Variants in USP34 observed in about 807,000 individuals in gnomAD.
The protein encoded by USP34 is ubiquitin specific peptidase 34.
A neutral mutation model predicts 460.3 loss-of-function variants in USP34; 70 were observed. The observed-to-expected ratio is 0.15, with a 90% CI of 0.13 to 0.19. The LOEUF (loss-of-function observed/expected upper bound fraction) is 0.19, where lower values mean the gene tolerates loss of function less well. Among genes scored for constraint, USP34 ranks in the 10% least tolerant of loss-of-function variants. The pLI, the probability that USP34 is intolerant of heterozygous loss-of-function variation, is 1.00. For synonymous variants in USP34, 1,647 were observed against 1,405.3 expected, an observed-to-expected ratio of 1.17 and a Z score of -3.85; for missense variants, 3,985 against 4,236.2, an observed-to-expected ratio of 0.94 and a Z score of 1.65.
chr2:61,343,172 C>G (rs112347638), intron 16 of USP34, among the ~76,000 whole-genome samples: 1 of 152,190 alleles, frequency 6.6e-6, no homozygotes, highest in Non-Finnish European at 1.5e-5. Context: ...TGATACCAAC[C>G]AAACAAGAGG....
At chr2:61,433,100 C>T (rs1157512007) in intron 1 of USP34, among the ~76,000 whole-genome samples, 1 of 152,128 alleles carries the variant, frequency 6.6e-6, no homozygotes, top group Non-Finnish European at 1.5e-5. Context: ...AAATAAACAG[C>T]TAAGATCTGA....
At chr2:61,374,178 A>C (rs1295379944) in intron 8 of USP34, among the ~76,000 whole-genome samples, 5 of 146,828 alleles carry the variant, frequency 3.4e-5, no homozygotes, top group African/African-American at 1.3e-4. Context: ...AAAAAAAAAA[A>C]CAGAGAAAAT....
At chr2:61,403,574 A>G (rs1196905023) in intron 3 of USP34, among the ~76,000 whole-genome samples, 1 of 152,202 alleles carries the variant, frequency 6.6e-6, no homozygotes, top group Admixed American at 6.5e-5. Flanking sequence ...ATCATGTAAG[A>G]GATTATTTAA....
At chr2:61,435,553 A>T (rs1694790236) in intron 1 of USP34, among the ~76,000 whole-genome samples, 1 of 152,148 alleles carries the variant, frequency 6.6e-6, no homozygotes, top group African/African-American at 2.4e-5. Context: ...AGAAAAACTG[A>T]GGAAATACTC....
chr2:61,445,965 T>TTA (rs1695103504), intron 1 of USP34, among the ~76,000 whole-genome samples: 1 of 150,798 alleles, frequency 6.6e-6, no homozygotes, highest in Non-Finnish European at 1.5e-5. Flanking sequence ...AAAAAAGTAA[T>TTA]TAGTCTGTAA....
At chr2:61,454,315 G>A (rs1252127700) in intron 1 of USP34, among the ~76,000 whole-genome samples, 1 of 152,074 alleles carries the variant, frequency 6.6e-6, no homozygotes, top group African/African-American at 2.4e-5. Flanking sequence ...GTAGAGATAG[G>A]GTTTTACCAT....
intron 10 of USP34, among the ~76,000 whole-genome samples, chr2:61,357,627 G>A (rs1692146047): frequency 6.6e-6 from 1 of 152,200 alleles, no homozygotes; most frequent in African/African-American, 2.4e-5. Context: ...CTGGTCAGAT[G>A]CAGTTCATGC....
intron 1 of USP34, among the ~76,000 whole-genome samples, chr2:61,458,412 T>G (rs1695499075): frequency 6.6e-6 from 1 of 151,098 alleles, no homozygotes; most frequent in African/African-American, 2.4e-5. Flanking sequence ...AATACAAAAA[T>G]TAGCCGGGCG....
chr2:61,406,050 C>G lies in USP34; in HGVS notation c.210G>C (p.Val70=). The change falls in exon 3 of 80, where the codon GTG becomes GTC. Residue 70 remains valine, a synonymous_variant. Transcript: ENST00000398571. ...CCCGGAGCACTTGAACTTGGGCAAT[C>G]ACTAAGTTAATAAGTGCACACACTA... is the stretch of plus-strand genomic sequence containing the variant. The part of the protein sequence containing the change: ...NQVVCALINL[V]IAQVQVLRDQ... 6.2e-7 allele frequency: 1 copy of G among 1,613,688 alleles called. No individual in the cohort carries two copies. Among genetic ancestry groups the G allele is most frequent in the South Asian group, 1.1e-5 (1 of 91,046 alleles).
At chr2:61,411,352 G>C (rs935899950) in intron 2 of USP34, among the ~76,000 whole-genome samples, 7 of 147,442 alleles carry the variant, frequency 4.7e-5, no homozygotes, top group Non-Finnish European at 1.0e-4. Flanking sequence ...CTGTACTCCA[G>C]CCCAGGTGAC....
chr2:61,449,274 G>C (rs964361835), intron 1 of USP34, among the ~76,000 whole-genome samples: 1 of 149,174 alleles, frequency 6.7e-6, no homozygotes, highest in Non-Finnish European at 1.5e-5. Context: ...AAAAAAAGTA[G>C]GAAACTACAA....
intron 51 of USP34, among the ~76,000 whole-genome samples, chr2:61,244,740 C>T (rs970971354): frequency 6.6e-6 from 1 of 152,042 alleles, no homozygotes; most frequent in Non-Finnish European, 1.5e-5. Context: ...AAGAACAATC[C>T]TTTAAAACTT....
chr2:61,301,190 A>G (rs372538541), intron 28 of USP34, 30 bp from the exon 29 acceptor site: 45 of 1,571,398 alleles, frequency 2.9e-5, no homozygotes, highest in Admixed American at 9.9e-5. Flanking sequence ...AAATTTATGC[A>G]TATCAAGCTT....
chr2:61,200,930 T>C (rs1181552714), intron 75 of USP34, among the ~76,000 whole-genome samples: 1 of 152,096 alleles, frequency 6.6e-6, no homozygotes, highest in East Asian at 1.9e-4. Context: ...GGAAAGTTCT[T>C]AGGTCTTTGT....
intron 58 of USP34, 68 bp from the exon 59 acceptor site, chr2:61,229,701 T>A: frequency 2.9e-6 from 4 of 1,364,208 alleles, no homozygotes; most frequent in Non-Finnish European, 4.1e-6. Flanking sequence ...AAAATTAACA[T>A]GATTCAAAAT....
rs534638455 is a variant in USP34, at chr2:61,325,121, G to C, written c.3013+254C>G. 5.3e-5 allele frequency among the ~76,000 whole-genome samples: 8 copies of C among 152,028 alleles called. No individual in the cohort carries two copies. The East Asian group carries it at 1.5e-3, about 29-fold the overall frequency. ...GGGGATATGGCAGGAACAGGATAAG[G>C]GATGAAAAATAAACTATCGGGTACA... On this transcript the variant is annotated intron_variant, in intron 21 of 79. Coordinates refer to ENST00000398571, the MANE Select transcript of USP34 (RefSeq NM_014709.4).
intron 20 of USP34, among the ~76,000 whole-genome samples, chr2:61,327,329 A>G (rs776694559): frequency 6.6e-6 from 1 of 152,226 alleles, no homozygotes; most frequent in Non-Finnish European, 1.5e-5. Flanking sequence ...GTGAAAATAC[A>G]TATGACGAGA....
intron 10 of USP34, among the ~76,000 whole-genome samples, chr2:61,369,503 C>T (rs574883255): frequency 3.3e-5 from 5 of 151,764 alleles, no homozygotes; most frequent in Admixed American, 2.0e-4. Context: ...ATTAGCTGGG[C>T]GTGGCGGTGC....
intron 27 of USP34, among the ~76,000 whole-genome samples, chr2:61,303,124 T>C (rs1324590443): frequency 6.6e-6 from 1 of 152,130 alleles, no homozygotes; most frequent in East Asian, 1.9e-4. Flanking sequence ...TGGAGTGCAG[T>C]GGCTCAATCT....
Sources: gnomAD v4.1 joint callset for allele counts (sites outside exome capture counted in the v4.1 genomes callset) on GRCh38, gnomAD v4.1.1 for gene constraint, MANE v1.5 for transcripts, NCBI Gene and HGNC (gene_info 2026-07-23, HGNC 2026-07-21) for gene names.